The following TTC7B variants were observed in gnomAD, a reference collection of about 807,000 sequenced individuals.
TTC7B encodes the protein tetratricopeptide repeat protein 7B.
In TTC7B, 28 loss-of-function variants were observed where a neutral mutation model predicts 106.8. That is an observed-to-expected ratio of 0.26 (90% confidence interval 0.19 to 0.36). The LOEUF (loss-of-function observed/expected upper bound fraction) is 0.36. Ranked by LOEUF, TTC7B falls within the 10% of genes least tolerant of loss-of-function variation. The pLI is 1.00. For missense variants in TTC7B, 862 were observed against 1,076.4 expected, an observed-to-expected ratio of 0.80 and a Z score of 2.79; for synonymous variants, 405 against 430.6, an observed-to-expected ratio of 0.94 and a Z score of 0.74.
chr14:90,590,510 C>G (rs1021286853), intron 18 of TTC7B, among the ~76,000 whole-genome samples: 1 of 152,168 alleles, frequency 6.6e-6, no homozygotes, highest in African/African-American at 2.4e-5. Flanking sequence ...GGGTGTCAGG[C>G]CTTGATCTAA....
chr14:90,721,815 G>A (rs1413791931), intron 5 of TTC7B, among the ~76,000 whole-genome samples: 2 of 152,144 alleles, frequency 1.3e-5, no homozygotes, highest in African/African-American at 4.8e-5. Flanking sequence ...TAAAGCCAGC[G>A]ACTGGGTCTG....
rs1232579607 is a variant in TTC7B at position 90,780,736 on chromosome 14, A to T, written c.445+2T>A. 1 of 1,613,754 alleles carries T rather than the reference A, an allele frequency of 6.2e-7. No homozygotes were observed. The highest frequency in any genetic ancestry group is 8.5e-7 in the Non-Finnish European group (1 of 1,179,926). Reference sequence around the variant, plus strand: ...CACTGTGTTAGAAGGCACGGGCCTCACCTTTGGTAGCGTAGGCTTCTGCGA... The same window carrying T: ...CACTGTGTTAGAAGGCACGGGCCTCTCCTTTGGTAGCGTAGGCTTCTGCGA... On this transcript the variant is annotated splice_donor_variant, in intron 3 of 19. Coordinates refer to ENST00000328459, the MANE Select transcript of TTC7B (RefSeq NM_001010854.2). LOFTEE classifies it high-confidence loss of function.
chr14:90,583,234 G>A (rs999759754), intron 18 of TTC7B, among the ~76,000 whole-genome samples: 27 of 152,154 alleles, frequency 1.8e-4, no homozygotes, highest in African/African-American at 2.2e-4. Flanking sequence ...TGGCTTTCTC[G>A]CTAAACTGTA....
At chr14:90,622,371 G>A (rs919997467) in intron 15 of TTC7B, among the ~76,000 whole-genome samples, 10 of 151,870 alleles carry the variant, frequency 6.6e-5, no homozygotes, top group Admixed American at 5.2e-4. Flanking sequence ...TACCTGCCTC[G>A]GCCTCCTGAA....
Position 90,578,288 on chromosome 14 carries a change from C to T in TTC7B, c.2128G>A (p.Gly710Arg), listed in dbSNP as rs780984589. Reference sequence around the variant, plus strand: ...CAGGCTGTGGCTTCTGCAGGCTTCCCGATGCCGATATAGACTTCAGCTGTG... The same window carrying T: ...CAGGCTGTGGCTTCTGCAGGCTTCCTGATGCCGATATAGACTTCAGCTGTG... ...LHAAEVYIGI[G>R]KPAEATACTQ... Residue 710 changes from glycine to arginine, a missense_variant, in exon 19 of 20, where the codon GGG becomes AGG. By Grantham distance (125) the Gly-to-Arg change is moderately radical (BLOSUM62 -2). Transcript: ENST00000328459. This position sits in a 1 kb window ranked among gnomAD's most constrained non-coding sequence, Gnocchi z 4.7. The T allele has an allele frequency of 2.8e-5, 45 of 1,613,936 alleles. No homozygotes were observed. Among genetic ancestry groups the T allele is most frequent in the Middle Eastern group, 1.6e-4 (1 of 6,082 alleles).
chr14:90,567,470 G>A (rs538215295), intron 19 of TTC7B: 1 of 152,182 alleles, frequency 6.6e-6, no homozygotes, highest in African/African-American at 2.4e-5. Flanking sequence ...TAGAGCTGGG[G>A]CTGTCTGAGC....
At chr14:90,794,842 A>G (rs1258985617) in intron 1 of TTC7B, among the ~76,000 whole-genome samples, 1 of 152,192 alleles carries the variant, frequency 6.6e-6, no homozygotes, top group Non-Finnish European at 1.5e-5. Flanking sequence ...TAAAAACATC[A>G]AGAGTCAGGC....
intron 17 of TTC7B, chr14:90,603,314 C>G: frequency 4.7e-6 from 6 of 1,282,638 alleles, no homozygotes; most frequent in Non-Finnish European, 6.1e-6. Context: ...CTTGGAACAA[C>G]AGATCAAACC....
intron 7 of TTC7B, among the ~76,000 whole-genome samples, chr14:90,689,067 C>T (rs1039573787): frequency 6.6e-6 from 1 of 152,218 alleles, no homozygotes; most frequent in African/African-American, 2.4e-5. Flanking sequence ...AAAGACACAT[C>T]ACCTTCCAAT....
At chr14:90,815,218 G>C (rs1482517165) in intron 1 of TTC7B, among the ~76,000 whole-genome samples, 1 of 152,208 alleles carries the variant, frequency 6.6e-6, no homozygotes, top group Non-Finnish European at 1.5e-5. Flanking sequence ...CGGTGTGCTG[G>C]TGCCTGCGCT....
intron 9 of TTC7B, among the ~76,000 whole-genome samples, chr14:90,669,691 A>T (rs568287510): frequency 6.6e-6 from 1 of 152,356 alleles, no homozygotes; most frequent in African/African-American, 2.4e-5. Context: ...CAACATCATT[A>T]GTTATCAGGG....
At chr14:90,791,245 G>T (rs1891576088) in intron 1 of TTC7B, among the ~76,000 whole-genome samples, 1 of 152,110 alleles carries the variant, frequency 6.6e-6, no homozygotes, top group South Asian at 2.1e-4. Context: ...ACCACCTCGA[G>T]CAGCCCCAGG....
At chr14:90,712,734 C>T (rs1156999484) in intron 5 of TTC7B, among the ~76,000 whole-genome samples, 1 of 149,002 alleles carries the variant, frequency 6.7e-6, no homozygotes, top group African/African-American at 2.5e-5. Flanking sequence ...CGCTGGCAGG[C>T]TTTTTTTTTT....
In TTC7B at chr14:90,533,788, G is replaced by A. The variant is rs79727900; in HGVS notation, c.*7580C>T. On this transcript the variant is annotated 3_prime_UTR_variant, in exon 20 of 20. Coordinates refer to ENST00000328459, the MANE Select transcript of TTC7B (RefSeq NM_001010854.2). ...GCTGTGGGTGGCCCGGATGGTCAGC[G>A]GGAGCTGCTGGCTCCAGGCAGACCT... 4,016 of 152,538 alleles carry A rather than the reference G, an allele frequency of 0.026. 167 individuals are homozygous for A. The highest frequency in any genetic ancestry group is 0.092 in the African/African-American group (3,818 of 41,590). The allele number at this position is 152,538 out of a possible 1,614,324, so 9.4% of individuals were successfully genotyped here.
intron 4 of TTC7B, among the ~76,000 whole-genome samples, chr14:90,744,458 G>A (rs1018667037): frequency 2.0e-5 from 3 of 151,958 alleles, no homozygotes; most frequent in Admixed American, 2.0e-4. Context: ...ATAGATGCCC[G>A]CCACCATGCC....
rs1889787220 is a variant in TTC7B, at chr14:90,742,042, C to T, written c.576+2750G>A. 6.6e-6 allele frequency among the ~76,000 whole-genome samples: 1 copy of T among 152,084 alleles called. No homozygotes were observed. The highest frequency in any genetic ancestry group is 2.4e-5 in the African/African-American group (1 of 41,414). ...GCTGCTTCCCAAATGCTACCAAAAG[C>T]TAAAGCTTACTTGGTCAAATAAAAC... On this transcript the variant is annotated intron_variant, in intron 4 of 19. Coordinates refer to ENST00000328459, the MANE Select transcript of TTC7B (RefSeq NM_001010854.2). The surrounding 1 kb of genome is among the most constrained non-coding windows in gnomAD (Gnocchi z 4.1).
intron 5 of TTC7B, among the ~76,000 whole-genome samples, chr14:90,704,453 T>C (rs1471929053): frequency 6.6e-6 from 1 of 152,200 alleles, no homozygotes. Flanking sequence ...GGATTTGAAC[T>C]CAGGCCCTAT....
At chr14:90,613,330 CTG>C (rs1170758482) in intron 16 of TTC7B, among the ~76,000 whole-genome samples, 1 of 151,910 alleles carries the variant, frequency 6.6e-6, no homozygotes, top group Non-Finnish European at 1.5e-5. Flanking sequence ...GGGAGACAGA[CTG>C]TAGTGAGCTA....
intron 12 of TTC7B, among the ~76,000 whole-genome samples, chr14:90,653,820 G>A (rs1181845740): frequency 6.6e-6 from 1 of 152,164 alleles, no homozygotes; most frequent in Non-Finnish European, 1.5e-5. Context: ...AATGGAAAAG[G>A]AAGCCCCATA....
Sources: gnomAD v4.1 joint callset for allele counts (sites outside exome capture counted in the v4.1 genomes callset) on GRCh38, gnomAD v4.1.1 for gene constraint, Gnocchi (gnomAD v3.1) non-coding constraint, MANE v1.5 for transcripts, NCBI Gene and HGNC (gene_info 2026-07-23, HGNC 2026-07-21) for gene names.